Variants in ABHD11 observed in about 807,000 individuals in gnomAD.
The protein encoded by ABHD11 is sn-1-specific diacylglycerol lipase ABHD11.
In ABHD11, 26 loss-of-function variants were observed where a neutral mutation model predicts 29.0. That is an observed-to-expected ratio of 0.90 (90% CI 0.66 to 1.24). The LOEUF is 1.24. ABHD11 is among the 50% of genes most tolerant of loss of function. The pLI is 0.00. For synonymous variants in ABHD11, 169 were observed against 166.4 expected, an observed-to-expected ratio of 1.02 and a Z score of -0.12; for missense variants, 381 against 422.4, an observed-to-expected ratio of 0.90 and a Z score of 0.86.
At chr7:73,738,178 G>A (rs1800128207) in intron 2 of ABHD11, 150 bp downstream of exon 2, 8 of 1,255,028 alleles carry the variant, frequency 6.4e-6, no homozygotes, top group South Asian at 1.3e-5. Flanking sequence ...CAACGTGAGG[G>A]AATAAATGGG....
chr7:73,737,470 G>GGTCATCCAACGATCAT lies in ABHD11; in HGVS notation c.435+76_436-80dup, dbSNP rs1429244421. On this transcript the variant is annotated intron_variant, in intron 3 of 5. Transcript: ENST00000222800. ...GGCATGGCTCCTGGAGCCTGAACTTGGTCATCCAACGATCATGTGAGTCCC... is the reference window on the plus strand; with the variant it reads ...GGCATGGCTCCTGGAGCCTGAACTTGGTCATCCAACGATCATGTCATCCAACGATCATGTGAGTCCC... 4.8e-5 allele frequency: 75 copies of GGTCATCCAACGATCAT among 1,564,632 alleles called. No individual in the cohort carries two copies. The East Asian group carries it at 1.2e-3, about 24-fold the overall frequency.
chr7:73,738,662 C>A lies in ABHD11; in HGVS notation c.109G>T (p.Gly37Trp), dbSNP rs1554622984. ...TTGACTGACCTCGGCTCGGCGCCCCCTCGGCCGCCGCTGCTGCTGCTGGGT... is the reference window on the plus strand; with the variant it reads ...TTGACTGACCTCGGCTCGGCGCCCCATCGGCCGCCGCTGCTGCTGCTGGGT... The part of the protein sequence containing the change: ...VAPSSSSGGR[G>W]GAEPRPLPLS... Residue 37 changes from glycine to tryptophan, a missense_variant, in exon 1 of 6, where the codon GGG becomes TGG. Coordinates refer to ENST00000222800, the MANE Select transcript of ABHD11 (RefSeq NM_148912.4). 10 of 1,594,872 alleles carry A rather than the reference C, an allele frequency of 6.3e-6. No individual in the cohort carries two copies. The highest frequency in any genetic ancestry group is 6.8e-6 in the Non-Finnish European group (8 of 1,173,184).
intron 2 of ABHD11, 97 bp downstream of exon 2, chr7:73,738,231 T>G: frequency 6.7e-7 from 1 of 1,486,084 alleles, no homozygotes; most frequent in South Asian, 1.2e-5. Flanking sequence ...GATCTGGAAG[T>G]GAGCGTGAGA....
At chr7:73,738,284 C>T in intron 2 of ABHD11, 44 bp downstream of exon 2, 2 of 1,516,752 alleles carry the variant, frequency 1.3e-6, no homozygotes, top group Non-Finnish European at 1.8e-6. Context: ...GCCCCGCCCA[C>T]TCCCGCCCAG....
At position 73,738,328 on chromosome 7, in the gene ABHD11, C is replaced by G. The variant is rs1409280162; in HGVS notation, c.261G>C (p.Arg87Ser). 1.2e-5 allele frequency: 20 copies of G among 1,612,864 alleles called. No individual in the cohort carries two copies. The highest frequency in any genetic ancestry group is 1.7e-5 in the Non-Finnish European group (20 of 1,179,552). ...GAGCCCCGCCCACTCGAAAGCTCAC[C>G]CTACGGCCTGTCTGCTGGGCCAAGA... The part of the protein sequence containing the change: ...AKILAQQTGR[R>S]VLTVDARNHG... Residue 87 changes from arginine to serine, a missense_variant and splice_region_variant, in exon 2 of 6, where the codon AGG (arginine) becomes AGC (serine). By Grantham distance (110) the Arg-to-Ser change is moderately radical. Coordinates refer to ENST00000222800, the MANE Select transcript of ABHD11 (RefSeq NM_148912.4).
At position 73,737,623 on chromosome 7, in the gene ABHD11, G is replaced by A. The variant is rs1227487658; in HGVS notation, c.374C>T (p.Pro125Leu). Residue 125 changes from proline to leucine, a missense_variant, in exon 3 of 6, where the codon CCC becomes CTC. By Grantham distance (98) the Pro-to-Leu change is moderately conservative. Transcript: ENST00000222800. Reference sequence around the variant, plus strand: ...CATGCTGTGGCCAACGACGACGCAGGGCACCAGGCCCAGCTGGGGCAGAAG... The same window carrying A: ...CATGCTGTGGCCAACGACGACGCAGAGCACCAGGCCCAGCTGGGGCAGAAG... Reference protein sequence around the residue: ...QDLLPQLGLVPCVVVGHSMGG... With the variant: ...QDLLPQLGLVLCVVVGHSMGG... The A allele has an allele frequency of 1.9e-6, 3 of 1,613,894 alleles. No homozygotes were observed. Among genetic ancestry groups the A allele is most frequent in the African/African-American group, 1.3e-5 (1 of 74,910 alleles).
rs1800180313 is a variant in ABHD11 at position 73,738,401 on chromosome 7, A to G, written c.188T>C (p.Leu63Ser). 2 of 1,612,778 alleles carry G rather than the reference A, an allele frequency of 1.2e-6. No homozygotes were observed. Among genetic ancestry groups the G allele is most frequent in the Non-Finnish European group, 1.7e-6 (2 of 1,179,490 alleles). The stretch of plus-strand genomic sequence containing the variant: ...AGTTTTGCTGCCGAAGAGCCCGTGC[A>G]AAAAGACGACGGCCGGGAGGGCTGC... ...GEAALPAVVF[L>S]HGLFGSKTNF... The change falls in exon 2 of 6, where the codon TTG becomes TCG. Residue 63 changes from leucine (L) to serine (S), a missense_variant. Transcript: ENST00000222800.
In ABHD11 at chr7:73,736,519, C is replaced by T. The variant is rs782331143; in HGVS notation, c.*40G>A. ...CCTCCCAAAGTGCTGGAATTACAGG[C>T]ATGAGCCACCACGCCCGGCCATCTT... On this transcript the variant is annotated 3_prime_UTR_variant, in exon 6 of 6. Coordinates refer to ENST00000222800, the MANE Select transcript of ABHD11 (RefSeq NM_148912.4). 9 of 1,610,092 alleles carry T rather than the reference C, an allele frequency of 5.6e-6. No homozygotes were observed. The Admixed American group carries it at 1.5e-4, about 27-fold the overall frequency.
At chr7:73,737,842 C>T (rs536013351) in intron 2 of ABHD11, 107 bp from the exon 3 acceptor site, 2 of 1,467,322 alleles carry the variant, frequency 1.4e-6, no homozygotes, top group East Asian at 2.4e-5. Flanking sequence ...CCTGGGGATA[C>T]ACCCTGTGGA....
Position 73,737,332 on chromosome 7 carries a change from G to A in ABHD11, c.495C>T (p.Val165=). 6.2e-7 allele frequency: 1 copy of A among 1,613,932 alleles called. No individual in the cohort carries two copies. Among genetic ancestry groups the A allele is most frequent in the Non-Finnish European group, 8.5e-7 (1 of 1,180,018 alleles). The part of the protein sequence containing the change: ...VDISPVESTG[V]SHFATYVAAM... ...CTGCCACATAGGTTGCAAAGTGGGA[G>A]ACACCTGTGCTTTCCACTGGGCTGA... The change falls in exon 4 of 6, where the codon GTC becomes GTT. Residue 165 remains valine (V), a synonymous_variant. Coordinates refer to ENST00000222800, the MANE Select transcript of ABHD11 (RefSeq NM_148912.4).
rs546938574 is a variant in ABHD11 at position 73,736,296 on chromosome 7, G to A, written c.*263C>T. ...GCTCTGTTGCCTAGGCTGGAGTGTA[G>A]TGGTGTGATCTCGGCTCATTGCAAC... On this transcript the variant is annotated 3_prime_UTR_variant, in exon 6 of 6. Transcript: ENST00000222800. 5.9e-4 allele frequency: 313 copies of A among 527,418 alleles called. 3 individuals are homozygous for A. Among genetic ancestry groups the A allele is most frequent in the African/African-American group, 5.5e-3 (289 of 52,648 alleles). 32.7% of individuals were successfully genotyped at this position (527,418 alleles called of 1,614,324 possible).
intron 2 of ABHD11, 96 bp from the exon 3 acceptor site, chr7:73,737,831 G>T (rs1187509374): frequency 4.0e-6 from 6 of 1,491,482 alleles, no homozygotes; most frequent in African/African-American, 1.4e-5. Flanking sequence ...GGTGTGGAGA[G>T]CCTGGGGATA....
At position 73,736,152 on chromosome 7, in the gene ABHD11, C is replaced by T. The variant is rs148268213; in HGVS notation, c.*407G>A. 234 of 457,656 alleles carry T rather than the reference C, an allele frequency of 5.1e-4. No homozygotes were observed. The highest frequency in any genetic ancestry group is 4.3e-3 in the African/African-American group (218 of 50,270). 28.3% of individuals were successfully genotyped at this position (457,656 alleles called of 1,614,324 possible). A position where few individuals can be genotyped will look rare whatever the true frequency, so the allele number is the denominator to read the frequency against. On this transcript the variant is annotated 3_prime_UTR_variant, in exon 6 of 6. Coordinates refer to ENST00000222800, the MANE Select transcript of ABHD11 (RefSeq NM_148912.4). ...AGGTCTGACCACCCCTGTAAAACCT[C>T]GTGCCCACACAGTGCCTGTCTGAGT...
chr7:73,738,532 C>CT lies in ABHD11; in HGVS notation c.126-70dup, dbSNP rs1394151054. On this transcript the variant is annotated intron_variant, in intron 1 of 5. Coordinates refer to ENST00000222800, the MANE Select transcript of ABHD11 (RefSeq NM_148912.4). ...CGGGGAAAGGGGTAGGGGGAAAGAG[C>CT]TTTGGGGGAGAGGCCTGGGAGGTGA... 4 of 1,570,716 alleles carry CT rather than the reference C, an allele frequency of 2.5e-6. No homozygotes were observed. In the Admixed American group the frequency reaches 5.7e-5, roughly 22 times the overall value.
chr7:73,737,026 T>C lies in ABHD11; in HGVS notation c.691A>G (p.Thr231Ala). ...GCCAAGATCTTGTCTAGGTGCTGGG[T>C]CAGGGCATCCAAGTTCACCCTCCAC... is the stretch of plus-strand genomic sequence containing the variant. ...FVWRVNLDAL[T>A]QHLDKILAFP... Residue 231 changes from threonine (T) to alanine (A), a missense_variant, in exon 5 of 6, where the codon ACC (threonine) becomes GCC (alanine). Physicochemically the swap from Thr to Ala is moderately conservative, Grantham distance 58. Coordinates refer to ENST00000222800, the MANE Select transcript of ABHD11 (RefSeq NM_148912.4). 6.2e-7 allele frequency: 1 copy of C among 1,614,018 alleles called. No individual in the cohort carries two copies.
In ABHD11 at chr7:73,738,755, G is replaced by C. The variant is rs782529366; in HGVS notation, c.16C>G (p.Arg6Gly). 2 of 1,608,858 alleles carry C rather than the reference G, an allele frequency of 1.2e-6. No homozygotes were observed. The highest frequency in any genetic ancestry group is 1.7e-6 in the Non-Finnish European group (2 of 1,177,498). MLRWT[R>G]AWRLPREGLG... is the part of the protein sequence containing the mutation. Reference sequence around the variant, plus strand: ...CCCTCACGCGGGAGCCTCCAGGCTCGGGTCCAGCGGAGCATGCTTGCAAGC... The same window carrying C: ...CCCTCACGCGGGAGCCTCCAGGCTCCGGTCCAGCGGAGCATGCTTGCAAGC... Residue 6 changes from arginine (R) to glycine (G), a missense_variant, in exon 1 of 6, where the codon CGA becomes GGA. By Grantham distance (125) the Arg-to-Gly change is moderately radical. Transcript: ENST00000222800.
Position 73,738,311 on chromosome 7 carries a change from C to T in ABHD11, c.261+17G>A, listed in dbSNP as rs114992374. The T allele has an allele frequency of 5.0e-6, 8 of 1,607,658 alleles. No homozygotes were observed. Among genetic ancestry groups the T allele is most frequent in the African/African-American group, 2.7e-5 (2 of 74,770 alleles). ...CCCGCCCAGCCCCAAAGGAGCCCCGCCCACTCGAAAGCTCACCCTACGGCC... is the reference window on the plus strand; with the variant it reads ...CCCGCCCAGCCCCAAAGGAGCCCCGTCCACTCGAAAGCTCACCCTACGGCC... On this transcript the variant is annotated intron_variant, in intron 2 of 5. Transcript: ENST00000222800.
At chr7:73,737,199 C>G in intron 4 of ABHD11, 22 bp downstream of exon 4, 2 of 1,613,872 alleles carry the variant, frequency 1.2e-6, no homozygotes, top group Non-Finnish European at 1.7e-6. Context: ...CAATACCATC[C>G]GGGGCACCTT....
At chr7:73,738,230 G>A in intron 2 of ABHD11, 98 bp downstream of exon 2, 3 of 1,484,992 alleles carry the variant, frequency 2.0e-6, no homozygotes, top group Non-Finnish European at 2.7e-6. Context: ...GGATCTGGAA[G>A]TGAGCGTGAG....
Sources: gnomAD v4.1 joint callset for allele counts on GRCh38, gnomAD v4.1.1 for gene constraint, MANE v1.5 for transcripts, NCBI Gene and HGNC (gene_info 2026-07-23, HGNC 2026-07-21) for gene names.